PPM1H: variants seen among roughly 807,000 people sequenced by gnomAD.
PPM1H encodes the protein protein phosphatase, Mg2+/Mn2+ dependent 1H, also known as protein phosphatase 1H.
PPM1H carries 27 observed loss-of-function variants against 54.9 expected under a neutral mutation model. That is an observed-to-expected ratio of 0.49 (90% CI 0.36 to 0.68). The LOEUF is 0.68. Among genes scored for constraint, PPM1H ranks in the 30% least tolerant of loss-of-function variants. The pLI, the probability that PPM1H is intolerant of heterozygous loss-of-function variation, is 0.00. For missense variants in PPM1H, 596 were observed against 667.8 expected (o/e 0.89, Z 1.19); for synonymous variants, 305 against 270.8 (o/e 1.13, Z -1.24).
At chr12:62,774,012 A>G (rs1003048522) in intron 4 of PPM1H, among the ~76,000 whole-genome samples, 4 of 152,236 alleles carry the variant, frequency 2.6e-5, no homozygotes, top group African/African-American at 9.6e-5. Context: ...TGAGCTGACC[A>G]GCATTCCCCC....
At chr12:62,713,143 G>A (rs758552136) in intron 6 of PPM1H, among the ~76,000 whole-genome samples, 24 of 152,176 alleles carry the variant, frequency 1.6e-4, no homozygotes, top group Non-Finnish European at 2.4e-4. Context: ...TCCAGAAAGC[G>A]TTTGGATGGT....
At position 62,695,345 on chromosome 12, in the gene PPM1H, A is replaced by G. The variant is rs114162533; in HGVS notation, c.1074-1346T>C. Among the ~76,000 whole-genome samples, 775 of 152,228 alleles carry G rather than the reference A, an allele frequency of 5.1e-3. 7 individuals carry two copies. Among genetic ancestry groups the G allele is most frequent in the African/African-American group, 0.017 (708 of 41,518 alleles). ...GTGCTCTCAGTCCCTCAGGATCCTCATTAATCAATTAGGGCAAAATCTGGG... is the reference window on the plus strand; with the variant it reads ...GTGCTCTCAGTCCCTCAGGATCCTCGTTAATCAATTAGGGCAAAATCTGGG... On this transcript the variant is annotated intron_variant, in intron 6 of 9. Coordinates refer to ENST00000228705, the MANE Select transcript of PPM1H (RefSeq NM_020700.2).
chr12:62,905,836 G>A (rs888395546), intron 1 of PPM1H, among the ~76,000 whole-genome samples: 15 of 152,082 alleles, frequency 9.9e-5, no homozygotes, highest in African/African-American at 3.6e-4. Flanking sequence ...CTTACTAATG[G>A]AGATAGTAAT....
intron 3 of PPM1H, 62 bp downstream of exon 3, chr12:62,801,753 AC>A: frequency 6.4e-7 from 1 of 1,561,824 alleles, no homozygotes; most frequent in Non-Finnish European, 8.7e-7. Flanking sequence ...TCCAGGAAGG[AC>A]GGACAGACCT....
chr12:62,691,711 T>G (rs771269770), intron 7 of PPM1H, among the ~76,000 whole-genome samples: 34 of 151,390 alleles, frequency 2.2e-4, no homozygotes, highest in Non-Finnish European at 4.9e-4. Flanking sequence ...TAGTCCCAGC[T>G]ACTCAGGAGG....
At chr12:62,813,184 C>T (rs1401655980) in intron 2 of PPM1H, among the ~76,000 whole-genome samples, 2 of 152,136 alleles carry the variant, frequency 1.3e-5, no homozygotes, top group Non-Finnish European at 2.9e-5. Flanking sequence ...AGAGGAAATA[C>T]ACAAAGCCAA....
At chr12:62,900,596 G>GT (rs1349438360) in intron 1 of PPM1H, among the ~76,000 whole-genome samples, 3 of 144,836 alleles carry the variant, frequency 2.1e-5, no homozygotes, top group African/African-American at 8.0e-5. Flanking sequence ...CTTACCAGTA[G>GT]TTAAAAAAAA....
intron 1 of PPM1H, among the ~76,000 whole-genome samples, chr12:62,912,754 T>C (rs566240294): frequency 5.5e-4 from 83 of 152,256 alleles, no homozygotes; most frequent in Non-Finnish European, 9.6e-4. Context: ...AACATATCCA[T>C]ACTCCCAGAG....
chr12:62,763,747 C>T (rs978001844), intron 4 of PPM1H, among the ~76,000 whole-genome samples: 22 of 152,170 alleles, frequency 1.4e-4, no homozygotes, highest in African/African-American at 4.8e-4. Flanking sequence ...AATCTTCAAT[C>T]GTTTCATTTT....
At chr12:62,688,926 A>G (rs922201019) in intron 8 of PPM1H, among the ~76,000 whole-genome samples, 1 of 152,082 alleles carries the variant, frequency 6.6e-6, no homozygotes, top group African/African-American at 2.4e-5. Context: ...AGCCCAGGAG[A>G]CAGAAGTTGC....
chr12:62,735,284 T>C (rs1388353580), intron 5 of PPM1H, among the ~76,000 whole-genome samples: 2 of 152,128 alleles, frequency 1.3e-5, no homozygotes, highest in Non-Finnish European at 2.9e-5. Context: ...CAGTCTCGGT[T>C]CACTGCAACC....
chr12:62,726,788 G>A (rs907151310), intron 5 of PPM1H, among the ~76,000 whole-genome samples: 2 of 152,208 alleles, frequency 1.3e-5, no homozygotes, highest in East Asian at 3.8e-4. Context: ...GCCTCTGGAA[G>A]CATTGCTCAA....
chr12:62,808,846 A>C (rs548688598), intron 2 of PPM1H, among the ~76,000 whole-genome samples: 1 of 152,222 alleles, frequency 6.6e-6, no homozygotes, highest in Non-Finnish European at 1.5e-5. Context: ...GGTACTAGTG[A>C]GTTGCAATGC....
At chr12:62,868,368 C>T (rs1869858524) in intron 1 of PPM1H, among the ~76,000 whole-genome samples, 1 of 152,174 alleles carries the variant, frequency 6.6e-6, no homozygotes, top group African/African-American at 2.4e-5. Context: ...CTAGGGCCAT[C>T]CACAAAGCCT....
intron 4 of PPM1H, among the ~76,000 whole-genome samples, chr12:62,750,883 G>A (rs2120575346): frequency 6.6e-6 from 1 of 152,322 alleles, no homozygotes. Flanking sequence ...ATCACACAAT[G>A]CTTTATTTTT....
At chr12:62,787,314 G>C (rs1298666799) in intron 4 of PPM1H, among the ~76,000 whole-genome samples, 2 of 152,150 alleles carry the variant, frequency 1.3e-5, no homozygotes, top group African/African-American at 4.8e-5. Flanking sequence ...ACAGAAGAAT[G>C]AGAGTCCTCA....
chr12:62,713,566 G>A (rs967919162), intron 6 of PPM1H, among the ~76,000 whole-genome samples: 1 of 152,194 alleles, frequency 6.6e-6, no homozygotes, highest in Non-Finnish European at 1.5e-5. Flanking sequence ...GGAAAGGGGT[G>A]TGAAGCCCAC....
chr12:62,652,132 CAT>C (rs1162138711), intron 9 of PPM1H, among the ~76,000 whole-genome samples: 1 of 152,214 alleles, frequency 6.6e-6, no homozygotes, highest in Non-Finnish European at 1.5e-5. Context: ...GGCAAGAAAT[CAT>C]AGTGTTTTTC....
chr12:62,927,262 T>A (rs1042266650), intron 1 of PPM1H, among the ~76,000 whole-genome samples: 2 of 152,198 alleles, frequency 1.3e-5, no homozygotes, highest in Non-Finnish European at 2.9e-5. Flanking sequence ...GAAGAAAACA[T>A]ATGAAGATAT....
Sources: allele counts gnomAD v4.1 joint callset (sites outside exome capture counted in the v4.1 genomes callset), GRCh38; gene constraint gnomAD v4.1.1; transcripts MANE v1.5; gene names NCBI Gene and HGNC (gene_info 2026-07-23, HGNC 2026-07-21).